FILIP1: variants seen among roughly 807,000 people sequenced by gnomAD.
FILIP1 encodes the protein filamin-A-interacting protein 1.
In FILIP1, 61 loss-of-function variants were observed where a neutral mutation model predicts 102.1. That is an observed-to-expected ratio of 0.60 (90% CI 0.49 to 0.74). The LOEUF (loss-of-function observed/expected upper bound fraction) is 0.74, where lower values mean the gene tolerates loss of function less well. Among genes scored for constraint, FILIP1 ranks in the 30% least tolerant of loss-of-function variants. The probability of loss-of-function intolerance (pLI) is 0.00; values close to 1 mark genes in which losing one functional copy is unlikely to be tolerated. For missense variants in FILIP1, 1,314 were observed against 1,441.2 expected (o/e 0.91, Z 1.43); for synonymous variants, 491 against 526.9 (o/e 0.93, Z 0.93).
chr6:75,458,607 C>T (rs1778920518), intron 1 of FILIP1: 1 of 152,140 alleles, frequency 6.6e-6, no homozygotes, highest in African/African-American at 2.4e-5. Context: ...AGTCAAGCCC[C>T]TAGGTGGTCT....
chr6:75,447,520 A>G (rs1373272100), intron 1 of FILIP1, among the ~76,000 whole-genome samples: 1 of 152,166 alleles, frequency 6.6e-6, no homozygotes, highest in East Asian at 1.9e-4. Flanking sequence ...ATGGATTTGT[A>G]GACCTGTGCT....
intron 1 of FILIP1, among the ~76,000 whole-genome samples, chr6:75,432,762 A>G (rs1777870502): frequency 6.6e-6 from 1 of 151,964 alleles, no homozygotes; most frequent in African/African-American, 2.4e-5. Context: ...TACATGTGCC[A>G]TGTTGGTGTG....
intron 4 of FILIP1, among the ~76,000 whole-genome samples, chr6:75,352,206 C>T (rs1774832337): frequency 6.6e-6 from 1 of 152,162 alleles, no homozygotes; most frequent in Non-Finnish European, 1.5e-5. Flanking sequence ...TCTGGGAAAA[C>T]TAGATCTCTT....
intron 2 of FILIP1, among the ~76,000 whole-genome samples, chr6:75,372,536 C>T (rs1775558312): frequency 6.7e-6 from 1 of 148,936 alleles, no homozygotes; most frequent in Admixed American, 6.8e-5. Context: ...TATCACAAGT[C>T]ATTAGGGAAA....
At chr6:75,461,984 C>T (rs749804890) in intron 1 of FILIP1, among the ~76,000 whole-genome samples, 1 of 152,142 alleles carries the variant, frequency 6.6e-6, no homozygotes, top group Non-Finnish European at 1.5e-5. Context: ...CATGGCTGCC[C>T]CAGGCCATCC....
intron 1 of FILIP1, among the ~76,000 whole-genome samples, chr6:75,480,970 T>C (rs1449524697): frequency 6.6e-6 from 1 of 152,246 alleles, no homozygotes; most frequent in African/African-American, 2.4e-5. Flanking sequence ...GTAGACTTGT[T>C]GTAACAAATC....
At chr6:75,394,823 C>T (rs1459262854) in intron 2 of FILIP1, among the ~76,000 whole-genome samples, 2 of 152,134 alleles carry the variant, frequency 1.3e-5, no homozygotes, top group Non-Finnish European at 2.9e-5. Flanking sequence ...TGTGAGAAAC[C>T]AGGCCTATGA....
chr6:75,314,579 C>T lies in FILIP1; in HGVS notation c.1253G>A (p.Ser418Asn), dbSNP rs1431392749. The part of the protein sequence containing the change: ...RKKLQEEEHH[S>N]KELRLEVEKL... Reference sequence around the variant, plus strand: ...CTCAACTTCAAGTCTGAGCTCCTTACTATGGTGTTCTTCCTCTTGCAGCTT... The same window carrying T: ...CTCAACTTCAAGTCTGAGCTCCTTATTATGGTGTTCTTCCTCTTGCAGCTT... The change falls in exon 5 of 6, where the codon AGT becomes AAT. Residue 418 changes from serine (S) to asparagine (N), a missense_variant. Physicochemically the swap from Ser to Asn is conservative, Grantham distance 46 (BLOSUM62 1). This residue lies in a region of FILIP1 where 494 missense variants were observed against 511.2 expected (regional missense o/e 0.97). Coordinates refer to ENST00000237172, the MANE Select transcript of FILIP1 (RefSeq NM_015687.5). 1 of 1,613,976 alleles carries T rather than the reference C, an allele frequency of 6.2e-7. No homozygotes were observed. Among genetic ancestry groups the T allele is most frequent in the Non-Finnish European group, 8.5e-7 (1 of 1,179,994 alleles).
intron 4 of FILIP1, among the ~76,000 whole-genome samples, chr6:75,349,410 A>T (rs1397295907): frequency 2.0e-5 from 3 of 149,850 alleles, no homozygotes; most frequent in East Asian, 2.5e-4. Flanking sequence ...GACAGCCTGC[A>T]GAGTCTCACC....
downstream of FILIP1, among the ~76,000 whole-genome samples, chr6:75,304,123 T>C (rs967477156): frequency 5.9e-5 from 9 of 152,186 alleles, no homozygotes; most frequent in Non-Finnish European, 1.3e-4. Context: ...AAAACAATTA[T>C]TCTTTTGAAG....
chr6:75,463,639 G>A (rs571253347), intron 1 of FILIP1, among the ~76,000 whole-genome samples: 1 of 152,238 alleles, frequency 6.6e-6, no homozygotes. Context: ...GAATATATTT[G>A]ACCTAGAAAA....
intron 4 of FILIP1, chr6:75,319,926 A>G (rs933291952): frequency 6.5e-5 from 30 of 464,854 alleles, no homozygotes; most frequent in Admixed American, 3.6e-4. Flanking sequence ...GTTTGCACAA[A>G]GAATGCATAT....
intron 1 of FILIP1, among the ~76,000 whole-genome samples, chr6:75,482,058 G>GT (rs1779663338): frequency 6.6e-6 from 1 of 151,976 alleles, no homozygotes; most frequent in South Asian, 2.1e-4. Context: ...CTTTCATCTG[G>GT]TTTTCCCCCT....
intron 4 of FILIP1, among the ~76,000 whole-genome samples, chr6:75,328,700 C>A (rs927244405): frequency 1.3e-5 from 2 of 152,110 alleles, no homozygotes; most frequent in Admixed American, 6.5e-5. Context: ...GTTTGCCAGG[C>A]TGGTCTCAAA....
chr6:75,480,707 A>T (rs980995794), intron 1 of FILIP1, among the ~76,000 whole-genome samples: 53 of 152,208 alleles, frequency 3.5e-4, no homozygotes, highest in African/African-American at 1.2e-3. Flanking sequence ...AGCATTCATC[A>T]TCTGTTTTTA....
chr6:75,432,356 T>C (rs559991377), intron 1 of FILIP1, among the ~76,000 whole-genome samples: 1 of 152,356 alleles, frequency 6.6e-6, no homozygotes, highest in South Asian at 2.1e-4. Flanking sequence ...ACTGAGTGAT[T>C]TCAAAGGGCC....
intron 2 of FILIP1, among the ~76,000 whole-genome samples, chr6:75,372,869 T>C (rs1223959680): frequency 1.3e-5 from 2 of 151,986 alleles, no homozygotes; most frequent in Non-Finnish European, 1.5e-5. Flanking sequence ...GGTAGAAAAG[T>C]AAAATGGTGC....
chr6:75,436,608 G>A (rs774137154), intron 1 of FILIP1, among the ~76,000 whole-genome samples: 10 of 152,138 alleles, frequency 6.6e-5, no homozygotes, highest in Non-Finnish European at 1.3e-4. Context: ...TGCTCATGGA[G>A]ATTATGGGAC....
intron 4 of FILIP1, among the ~76,000 whole-genome samples, chr6:75,318,021 C>T (rs564165777): frequency 1.6e-4 from 24 of 152,270 alleles, no homozygotes; most frequent in African/African-American, 5.3e-4. Context: ...TCAGTCTCTC[C>T]CGTTATCTAA....
Sources: allele counts gnomAD v4.1 joint callset (sites outside exome capture counted in the v4.1 genomes callset), GRCh38; gene constraint gnomAD v4.1.1; regional missense constraint gnomAD v4.1.1; transcripts MANE v1.5; gene names NCBI Gene and HGNC (gene_info 2026-07-23, HGNC 2026-07-21).